Variants in EEFSEC observed in about 807,000 individuals in gnomAD.
The protein encoded by EEFSEC is selenocysteine-specific elongation factor.
EEFSEC carries 43 observed loss-of-function variants against 42.1 expected under a neutral mutation model. The ratio of observed to expected loss-of-function variants is 1.02; its 90% CI spans 0.80 to 1.32. The LOEUF (loss-of-function observed/expected upper bound fraction) is 1.32. Among genes scored for constraint, EEFSEC ranks in the 40% most tolerant of loss-of-function variants. The pLI is 0.00. For synonymous variants in EEFSEC, 354 were observed against 339.1 expected, an observed-to-expected ratio of 1.04 and a Z score of -0.48; for missense variants, 745 against 803.6, an observed-to-expected ratio of 0.93 and a Z score of 0.88.
At chr3:128,250,911 G>GTGTTT (rs1553747269) in intron 2 of EEFSEC, among the ~76,000 whole-genome samples, 2 of 108,596 alleles carry the variant, frequency 1.8e-5, no homozygotes, top group African/African-American at 7.0e-5. Flanking sequence ...GTTTTTTTTG[G>GTGTTT]TTTTTTTTTT....
intron 4 of EEFSEC, among the ~76,000 whole-genome samples, chr3:128,321,230 G>A (rs940940273): frequency 4.6e-5 from 7 of 152,172 alleles, no homozygotes; most frequent in African/African-American, 1.7e-4. Flanking sequence ...GCTGGGGCAA[G>A]GAGCTGAGCC....
intron 4 of EEFSEC, among the ~76,000 whole-genome samples, chr3:128,279,657 C>G (rs1246343807): frequency 6.6e-6 from 1 of 151,886 alleles, no homozygotes; most frequent in Non-Finnish European, 1.5e-5. Context: ...CGAGACCTAC[C>G]CAGAGTTGTA....
intron 1 of EEFSEC, among the ~76,000 whole-genome samples, chr3:128,195,146 C>T (rs2107808748): frequency 6.6e-6 from 1 of 152,230 alleles, no homozygotes; most frequent in Admixed American, 6.5e-5. Flanking sequence ...GTTTGAGATA[C>T]TTCTTTTAGT....
chr3:128,160,028 A>G (rs2811472), intron 1 of EEFSEC, among the ~76,000 whole-genome samples: 22,794 of 152,228 alleles, frequency 0.15, 1,826 homozygotes, highest in Admixed American at 0.2. Flanking sequence ...CATAGGATAG[A>G]TATTTAGTAA....
At chr3:128,174,813 AG>A (rs2065331937) in intron 1 of EEFSEC, among the ~76,000 whole-genome samples, 1 of 152,318 alleles carries the variant, frequency 6.6e-6, no homozygotes, top group East Asian at 1.9e-4. Flanking sequence ...AGTGCACTGC[AG>A]GCTTGGCACC....
At chr3:128,302,340 C>T (rs2066778135) in intron 4 of EEFSEC, among the ~76,000 whole-genome samples, 1 of 152,032 alleles carries the variant, frequency 6.6e-6, no homozygotes, top group Non-Finnish European at 1.5e-5. Flanking sequence ...AAACCCATGG[C>T]CATATTAATA....
Position 128,203,245 on chromosome 3 carries a change from G to C in EEFSEC, c.317-43591G>C, listed in dbSNP as rs377247440. ...AACTTCCTAATGGAATTTGTTGACGGAAGTGATTTGATTTTTATCCATTTA... is the reference window on the plus strand; with the variant it reads ...AACTTCCTAATGGAATTTGTTGACGCAAGTGATTTGATTTTTATCCATTTA... On this transcript the variant is annotated intron_variant, in intron 1 of 6. Coordinates refer to ENST00000254730, the MANE Select transcript of EEFSEC (RefSeq NM_021937.5). 4.5e-4 allele frequency among the ~76,000 whole-genome samples: 68 copies of C among 152,338 alleles called. 2 individuals carry two copies. The South Asian group carries it at 0.014, about 31-fold the overall frequency.
At chr3:128,361,860 T>G (rs1289517041) in intron 6 of EEFSEC, among the ~76,000 whole-genome samples, 1 of 152,128 alleles carries the variant, frequency 6.6e-6, no homozygotes, top group Admixed American at 6.5e-5. Context: ...AGAGAGTAGT[T>G]GGAGGAAGGA....
intron 6 of EEFSEC, among the ~76,000 whole-genome samples, chr3:128,360,919 C>T (rs1308877690): frequency 7.2e-5 from 11 of 151,888 alleles, no homozygotes; most frequent in Non-Finnish European, 1.5e-5. Context: ...ACCCCCACTC[C>T]CTGCTGATTC....
At chr3:128,235,946 G>A (rs900958690) in intron 1 of EEFSEC, among the ~76,000 whole-genome samples, 2 of 101,778 alleles carry the variant, frequency 2.0e-5, no homozygotes, top group African/African-American at 8.3e-5. Context: ...GCAAAGGTTT[G>A]TTTGTTTGTT....
chr3:128,409,694 G>A (rs1393731962), downstream of EEFSEC, among the ~76,000 whole-genome samples: 2 of 152,222 alleles, frequency 1.3e-5, no homozygotes, highest in Non-Finnish European at 2.9e-5. Context: ...CGGCTTGTCT[G>A]CACTGTGAAT....
intron 4 of EEFSEC, among the ~76,000 whole-genome samples, chr3:128,321,167 A>T (rs1482422892): frequency 6.6e-6 from 1 of 152,174 alleles, no homozygotes. Context: ...AGGCAGGCCA[A>T]GGTGGGAGAC....
chr3:128,362,342 G>A (rs2067537514), intron 6 of EEFSEC: 1 of 469,244 alleles, frequency 2.1e-6, no homozygotes, highest in Admixed American at 2.4e-5. Flanking sequence ...CATGTGAGAA[G>A]CTGAATAGAC....
At chr3:128,179,658 A>T (rs2811476) in intron 1 of EEFSEC, among the ~76,000 whole-genome samples, 61 of 152,176 alleles carry the variant, frequency 4.0e-4, no homozygotes, top group Non-Finnish European at 7.9e-4. Flanking sequence ...GAGATGCAGT[A>T]GTGGCTTGGG....
At chr3:128,394,417 T>C (rs577221969) in intron 6 of EEFSEC, among the ~76,000 whole-genome samples, 30 of 152,168 alleles carry the variant, frequency 2.0e-4, no homozygotes, top group Non-Finnish European at 3.7e-4. Flanking sequence ...CGGGCCTTTG[T>C]TCGCCTTCAT....
chr3:128,384,996 C>G (rs6803321), intron 6 of EEFSEC, among the ~76,000 whole-genome samples: 14,884 of 152,210 alleles, frequency 0.098, 1,722 homozygotes, highest in African/African-American at 0.28. Context: ...GTGGGGAAGA[C>G]CAATACAGGC....
intron 6 of EEFSEC, among the ~76,000 whole-genome samples, chr3:128,363,231 C>T (rs889285744): frequency 5.3e-5 from 8 of 152,232 alleles, no homozygotes; most frequent in Admixed American, 2.6e-4. Context: ...CATTTCAAAC[C>T]GCTCTGCTGC....
At chr3:128,318,318 T>G (rs2066970449) in intron 4 of EEFSEC, among the ~76,000 whole-genome samples, 1 of 152,178 alleles carries the variant, frequency 6.6e-6, no homozygotes, top group Non-Finnish European at 1.5e-5. Flanking sequence ...TTCCAGCTGG[T>G]TTTTTAACTG....
chr3:128,315,674 A>G (rs1309876712), intron 4 of EEFSEC, among the ~76,000 whole-genome samples: 1 of 152,220 alleles, frequency 6.6e-6, no homozygotes, highest in African/African-American at 2.4e-5. Context: ...GTCCCTGCAC[A>G]CTGTCAGTGG....
Sources: allele counts gnomAD v4.1 joint callset (sites outside exome capture counted in the v4.1 genomes callset), GRCh38; gene constraint gnomAD v4.1.1; transcripts MANE v1.5; gene names NCBI Gene and HGNC (gene_info 2026-07-23, HGNC 2026-07-21).